TVP23C: variants seen among roughly 807,000 people sequenced by gnomAD.
The protein encoded by TVP23C is Golgi apparatus membrane protein TVP23 homolog C.
Under a neutral mutation model 28.7 loss-of-function variants are expected in TVP23C, and 19 were observed. That is an observed-to-expected ratio of 0.66 (90% CI 0.46 to 0.97). The LOEUF is 0.97. TVP23C is among the 50% of genes least tolerant of loss of function. The pLI is 0.00. For missense variants in TVP23C, 186 were observed against 241.3 expected (o/e 0.77, Z 1.52); for synonymous variants, 68 against 81.7 (o/e 0.83, Z 0.90).
chr17:15,517,630 T>C (rs1982286263), intron 5 of TVP23C, among the ~76,000 whole-genome samples: 1 of 152,158 alleles, frequency 6.6e-6, no homozygotes, highest in African/African-American at 2.4e-5. Flanking sequence ...TGCTGGGAAT[T>C]GTTTATATCC....
chr17:15,559,389 T>C lies in TVP23C; in HGVS notation c.13-4025A>G, dbSNP rs8077168. Among the ~76,000 whole-genome samples the C allele has an allele frequency of 4.1e-5, 6 of 145,254 alleles. 1 individual carries two copies. Among genetic ancestry groups the C allele is most frequent in the Non-Finnish European group, 6.1e-5 (4 of 65,748 alleles). On this transcript the variant is annotated intron_variant, in intron 1 of 5. Coordinates refer to ENST00000518321, the MANE Select transcript of TVP23C (RefSeq NM_001135036.2). ...ACATTTACTAAGATGGGGAAGACCA[T>C]GGACACAAAAGATTTCGGGGCAAAA...
chr17:15,511,134 C>A (rs1981987444), intron 5 of TVP23C, among the ~76,000 whole-genome samples: 1 of 151,410 alleles, frequency 6.6e-6, no homozygotes, highest in African/African-American at 2.4e-5. Flanking sequence ...CCCCTTCCTG[C>A]ATTTCATAGC....
At chr17:15,543,712 G>C (rs1412607381) in intron 5 of TVP23C, among the ~76,000 whole-genome samples, 2 of 150,932 alleles carry the variant, frequency 1.3e-5, no homozygotes, top group Admixed American at 1.3e-4. Flanking sequence ...CCTTCCACTA[G>C]AACATAAGCT....
intron 1 of TVP23C, among the ~76,000 whole-genome samples, chr17:15,559,547 AAG>A (rs1984287214): frequency 6.7e-6 from 1 of 148,588 alleles, no homozygotes; most frequent in Non-Finnish European, 1.5e-5. Context: ...ACCTGTTAGA[AAG>A]AGAATTCTGG....
chr17:15,550,687 T>TA (rs1983845780), intron 3 of TVP23C, among the ~76,000 whole-genome samples: 1 of 152,258 alleles, frequency 6.6e-6, no homozygotes, highest in Non-Finnish European at 1.5e-5. Context: ...CTGTGATTCA[T>TA]AAAATCACCT....
chr17:15,515,006 C>T (rs533543016), intron 5 of TVP23C, among the ~76,000 whole-genome samples: 8 of 152,124 alleles, frequency 5.3e-5, no homozygotes, highest in Non-Finnish European at 1.0e-4. Context: ...AGGTTTCCAA[C>T]AGCCCAGAAG....
chr17:15,560,074 T>C (rs544241173), intron 1 of TVP23C, among the ~76,000 whole-genome samples: 1 of 149,548 alleles, frequency 6.7e-6, no homozygotes, highest in Admixed American at 6.7e-5. Flanking sequence ...TTTTTTCTTT[T>C]TTTTGAGACG....
intron 5 of TVP23C, among the ~76,000 whole-genome samples, chr17:15,511,359 A>G (rs1981996442): frequency 6.6e-6 from 1 of 152,178 alleles, no homozygotes; most frequent in African/African-American, 2.4e-5. Context: ...ATGTGTCACC[A>G]TAATAAAGAC....
intron 3 of TVP23C, among the ~76,000 whole-genome samples, chr17:15,551,579 C>T (rs1360450646): frequency 1.3e-5 from 2 of 152,094 alleles, no homozygotes; most frequent in Non-Finnish European, 2.9e-5. Flanking sequence ...CAAGCCTATC[C>T]AACCCTCTGC....
chr17:15,561,619 AATGAATGAATG>A (rs1984394981), intron 1 of TVP23C, among the ~76,000 whole-genome samples: 71 of 144,900 alleles, frequency 4.9e-4, no homozygotes, highest in Middle Eastern at 3.6e-3. Flanking sequence ...TGAATGAATG[AATGAATGAATG>A]AATAAATAAA....
chr17:15,543,944 G>A (rs1470665298), intron 5 of TVP23C, among the ~76,000 whole-genome samples: 5 of 151,982 alleles, frequency 3.3e-5, no homozygotes, highest in Non-Finnish European at 7.4e-5. Context: ...ATAAATAAAT[G>A]CAAAGATTTA....
At chr17:15,526,593 G>A (rs534842886) in intron 5 of TVP23C, among the ~76,000 whole-genome samples, 1 of 152,276 alleles carries the variant, frequency 6.6e-6, no homozygotes, top group Non-Finnish European at 1.5e-5. Flanking sequence ...TTCACAATAA[G>A]ATGCATGGAT....
At chr17:15,514,690 G>A (rs533522503) in intron 5 of TVP23C, among the ~76,000 whole-genome samples, 1 of 152,206 alleles carries the variant, frequency 6.6e-6, no homozygotes, top group East Asian at 1.9e-4. Context: ...AAACGATTGG[G>A]GTCAAAGATT....
chr17:15,542,377 G>A (rs944785327), intron 5 of TVP23C, among the ~76,000 whole-genome samples: 18 of 152,368 alleles, frequency 1.2e-4, no homozygotes, highest in African/African-American at 4.1e-4. Context: ...ATCATCTTAA[G>A]AGAAGTGAGG....
At chr17:15,558,999 A>C (rs1984258307) in intron 1 of TVP23C, among the ~76,000 whole-genome samples, 1 of 147,220 alleles carries the variant, frequency 6.8e-6, no homozygotes, top group South Asian at 2.2e-4. Flanking sequence ...CTAATATTTT[A>C]ATTTCTTGCA....
At chr17:15,551,203 C>T (rs951297525) in intron 3 of TVP23C, among the ~76,000 whole-genome samples, 5 of 151,738 alleles carry the variant, frequency 3.3e-5, no homozygotes, top group Non-Finnish European at 7.4e-5. Flanking sequence ...TGCCAAGCTC[C>T]GCCTCCTGCC....
chr17:15,521,179 C>CT (rs1480558658), intron 5 of TVP23C, among the ~76,000 whole-genome samples: 1 of 151,654 alleles, frequency 6.6e-6, no homozygotes, highest in Non-Finnish European at 1.5e-5. Flanking sequence ...TCTGGCAGAG[C>CT]TTTTTTGGTA....
chr17:15,526,758 C>G (rs747037348), intron 5 of TVP23C, among the ~76,000 whole-genome samples: 4 of 152,052 alleles, frequency 2.6e-5, no homozygotes, highest in African/African-American at 9.7e-5. Context: ...AGAACTGGGG[C>G]TTGGGGAGAA....
intron 5 of TVP23C, among the ~76,000 whole-genome samples, chr17:15,515,296 T>A (rs1185784117): frequency 6.6e-6 from 1 of 152,068 alleles, no homozygotes; most frequent in Admixed American, 6.5e-5. Context: ...TACCTGATGC[T>A]CCCCCAACTC....
Sources: allele counts gnomAD v4.1 joint callset (sites outside exome capture counted in the v4.1 genomes callset), GRCh38; gene constraint gnomAD v4.1.1; transcripts MANE v1.5; gene names NCBI Gene and HGNC (gene_info 2026-07-23, HGNC 2026-07-21).